GALNT17: variants seen among roughly 807,000 people sequenced by gnomAD.
GALNT17 encodes the protein UDP-GalNAc:polypeptide N-acetylgalactosaminyltransferase-like 3.
In GALNT17, 29 loss-of-function variants were observed where a neutral mutation model predicts 63.7. The observed-to-expected ratio is 0.46, with a 90% CI of 0.34 to 0.62. The LOEUF (loss-of-function observed/expected upper bound fraction) is 0.62. Ranked by LOEUF, GALNT17 falls within the 20% of genes least tolerant of loss-of-function variation. The pLI is 0.01. For synonymous variants in GALNT17, 305 were observed against 318.3 expected (o/e 0.96, Z 0.45); for missense variants, 603 against 799.6 (o/e 0.75, Z 2.97).
intron 7 of GALNT17, among the ~76,000 whole-genome samples, chr7:71,668,767 A>G (rs1289700592): frequency 6.6e-6 from 1 of 152,012 alleles, no homozygotes; most frequent in East Asian, 1.9e-4. Flanking sequence ...GCAGAGTCAT[A>G]TTTCAGATAC....
intron 1 of GALNT17, among the ~76,000 whole-genome samples, chr7:71,223,243 C>T (rs1789619929): frequency 6.6e-6 from 1 of 152,166 alleles, no homozygotes; most frequent in African/African-American, 2.4e-5. Context: ...ATGGACGTTG[C>T]TGGCAGTCTA....
At chr7:71,316,287 C>G (rs1289035553) in intron 1 of GALNT17, among the ~76,000 whole-genome samples, 1 of 110,882 alleles carries the variant, frequency 9.0e-6, no homozygotes, top group Non-Finnish European at 1.9e-5. Context: ...ATCTGTGGAT[C>G]TGATCAGAGG....
chr7:71,561,748 C>T (rs1044166180), intron 5 of GALNT17, among the ~76,000 whole-genome samples: 1 of 152,022 alleles, frequency 6.6e-6, no homozygotes, highest in Non-Finnish European at 1.5e-5. Flanking sequence ...AAGGGTAAGA[C>T]ATGACACCAC....
At chr7:71,467,946 C>G (rs1374297434) in intron 5 of GALNT17, among the ~76,000 whole-genome samples, 1 of 151,882 alleles carries the variant, frequency 6.6e-6, no homozygotes, top group Non-Finnish European at 1.5e-5. Flanking sequence ...AACCTCTACA[C>G]CAGCCAGGCC....
At chr7:71,453,720 A>G (rs973869625) in intron 5 of GALNT17, among the ~76,000 whole-genome samples, 3 of 152,196 alleles carry the variant, frequency 2.0e-5, no homozygotes, top group African/African-American at 2.4e-5. Context: ...TAAGAGGAAA[A>G]TGTGAATGAG....
At chr7:71,306,090 C>T (rs567541470) in intron 1 of GALNT17, among the ~76,000 whole-genome samples, 10 of 152,116 alleles carry the variant, frequency 6.6e-5, no homozygotes, top group East Asian at 1.9e-4. Context: ...TGTGGTGGTG[C>T]GTGGCTGTAA....
intron 1 of GALNT17, 24 bp from the exon 2 acceptor site, chr7:71,335,526 T>C: frequency 6.5e-7 from 1 of 1,531,758 alleles, no homozygotes; most frequent in Non-Finnish European, 8.8e-7. Flanking sequence ...TTCTAATAAT[T>C]CTTTTTTCTC....
chr7:71,624,581 G>T (rs1475620249), intron 6 of GALNT17, among the ~76,000 whole-genome samples: 1 of 152,200 alleles, frequency 6.6e-6, no homozygotes, highest in Non-Finnish European at 1.5e-5. Flanking sequence ...TCAAACTCTG[G>T]TTTCAGCTCC....
In GALNT17 at chr7:71,333,212, G is replaced by T. The variant is rs138659528; in HGVS notation, c.239-2338G>T. On this transcript the variant is annotated intron_variant, in intron 1 of 10. Coordinates refer to ENST00000333538, the MANE Select transcript of GALNT17 (RefSeq NM_022479.3). Reference sequence around the variant, plus strand: ...CATGGATCTACTTTCAGGTTATACAGATTTACCTATTCTGTACATTTCACA... The same window carrying T: ...CATGGATCTACTTTCAGGTTATACATATTTACCTATTCTGTACATTTCACA... Among the ~76,000 whole-genome samples the T allele has an allele frequency of 1.3e-4, 20 of 152,282 alleles. No homozygotes were observed. In the East Asian group the frequency reaches 3.7e-3, roughly 28 times the overall value.
At chr7:71,238,617 A>G (rs1442883873) in intron 1 of GALNT17, among the ~76,000 whole-genome samples, 2 of 152,066 alleles carry the variant, frequency 1.3e-5, no homozygotes, top group African/African-American at 2.4e-5. Context: ...AATGACTGGG[A>G]TTCTGTGTGT....
intron 5 of GALNT17, among the ~76,000 whole-genome samples, chr7:71,488,872 G>C (rs373672876): frequency 7.1e-6 from 1 of 141,456 alleles, no homozygotes; most frequent in African/African-American, 2.6e-5. Flanking sequence ...ATGAGCCACC[G>C]CGCCCAGCCA....
At chr7:71,229,824 C>T (rs1789754606) in intron 1 of GALNT17, among the ~76,000 whole-genome samples, 1 of 152,230 alleles carries the variant, frequency 6.6e-6, no homozygotes, top group South Asian at 2.1e-4. Flanking sequence ...AGCTGTGCCC[C>T]AGGCAGGGCA....
intron 9 of GALNT17, among the ~76,000 whole-genome samples, chr7:71,681,124 C>T (rs1340496249): frequency 1.3e-5 from 2 of 152,154 alleles, no homozygotes; most frequent in Non-Finnish European, 2.9e-5. Context: ...TTGTCTTGGA[C>T]TCCTGGCCTC....
chr7:71,640,209 G>A (rs1203107217), intron 6 of GALNT17, among the ~76,000 whole-genome samples: 19 of 152,176 alleles, frequency 1.2e-4, no homozygotes, highest in East Asian at 1.2e-3. Flanking sequence ...AGATATCCAC[G>A]CAGACTTCTT....
chr7:71,453,305 T>C (rs956929597), intron 5 of GALNT17, among the ~76,000 whole-genome samples: 2 of 152,118 alleles, frequency 1.3e-5, no homozygotes, highest in African/African-American at 4.8e-5. Flanking sequence ...TAGTCTTTTG[T>C]CACATTGCTG....
chr7:71,550,417 G>A (rs1789056601), intron 5 of GALNT17, among the ~76,000 whole-genome samples: 1 of 151,968 alleles, frequency 6.6e-6, no homozygotes. Context: ...GTCTCGCTCT[G>A]TCCCCCAGGC....
chr7:71,581,597 C>G (rs1288342152), intron 6 of GALNT17, among the ~76,000 whole-genome samples: 1 of 152,128 alleles, frequency 6.6e-6, no homozygotes. Flanking sequence ...GATTACAATT[C>G]ACGATGGGAT....
At chr7:71,346,770 G>T in intron 2 of GALNT17, among the ~76,000 whole-genome samples, 1 of 83,896 alleles carries the variant, frequency 1.2e-5, no homozygotes, top group African/African-American at 4.4e-5. Context: ...TGGGTGGGTG[G>T]GTGGGTGGAG....
chr7:71,600,752 G>GT (rs1260111164), intron 6 of GALNT17, among the ~76,000 whole-genome samples: 1 of 71,270 alleles, frequency 1.4e-5, no homozygotes, highest in African/African-American at 5.8e-5. Context: ...TTGTTTGTTT[G>GT]TTTTTTCACT....
Sources: allele counts gnomAD v4.1 joint callset (sites outside exome capture counted in the v4.1 genomes callset), GRCh38; gene constraint gnomAD v4.1.1; transcripts MANE v1.5; gene names NCBI Gene and HGNC (gene_info 2026-07-23, HGNC 2026-07-21).